The following CPQ variants were observed in gnomAD, a reference collection of about 807,000 sequenced individuals.
CPQ encodes carboxypeptidase Q, also known as Ser-Met dipeptidase.
In CPQ, 37 loss-of-function variants were observed where a neutral mutation model predicts 45.7. The observed-to-expected ratio is 0.81, with a 90% CI of 0.62 to 1.07. The LOEUF (loss-of-function observed/expected upper bound fraction) is 1.07. Among genes scored for constraint, CPQ ranks in the 50% least tolerant of loss-of-function variants. The pLI is 0.00. For synonymous variants in CPQ, 186 were observed against 205.8 expected (o/e 0.90, Z 0.82); for missense variants, 537 against 572.9 (o/e 0.94, Z 0.64).
chr8:96,921,054 A>G (rs756066209), intron 4 of CPQ, among the ~76,000 whole-genome samples: 2 of 152,120 alleles, frequency 1.3e-5, no homozygotes, highest in African/African-American at 2.4e-5. Context: ...ACTTCACCCA[A>G]TCCTATAAAG....
chr8:96,862,718 A>G (rs975615058), intron 3 of CPQ, among the ~76,000 whole-genome samples: 5 of 152,038 alleles, frequency 3.3e-5, no homozygotes, highest in African/African-American at 1.2e-4. Flanking sequence ...AAAAACCCTG[A>G]TTTTTAGCTG....
At chr8:97,030,890 T>TACTG in intron 6 of CPQ, among the ~76,000 whole-genome samples, 1 of 151,976 alleles carries the variant, frequency 6.6e-6, no homozygotes, top group Non-Finnish European at 1.5e-5. Context: ...AGGAGGTGGG[T>TACTG]ACTGCACCTT....
chr8:96,970,831 G>C (rs1813660808), intron 5 of CPQ, among the ~76,000 whole-genome samples: 2 of 152,244 alleles, frequency 1.3e-5, no homozygotes, highest in Admixed American at 1.3e-4. Flanking sequence ...CCAAAGTGCT[G>C]GGATTACAGG....
At chr8:97,023,418 C>A (rs554551279) in intron 5 of CPQ, among the ~76,000 whole-genome samples, 2 of 152,062 alleles carry the variant, frequency 1.3e-5, no homozygotes, top group East Asian at 3.9e-4. Flanking sequence ...TCACAAATCA[C>A]CACCAAAGAA....
chr8:96,787,959 C>G (rs1185828952), intron 2 of CPQ, among the ~76,000 whole-genome samples: 1 of 151,974 alleles, frequency 6.6e-6, no homozygotes, highest in Non-Finnish European at 1.5e-5. Context: ...GCAACAAATT[C>G]TCTGAGCCTT....
At chr8:96,731,277 G>T (rs531240688) in intron 1 of CPQ, among the ~76,000 whole-genome samples, 1 of 152,206 alleles carries the variant, frequency 6.6e-6, no homozygotes, top group Non-Finnish European at 1.5e-5. Context: ...TATCTCACAG[G>T]TTGTAATGAA....
At chr8:97,097,908 T>TA (rs1372886580) in intron 7 of CPQ, among the ~76,000 whole-genome samples, 1 of 152,208 alleles carries the variant, frequency 6.6e-6, no homozygotes, top group Non-Finnish European at 1.5e-5. Context: ...TAGAACAAGT[T>TA]ACATGTTACA....
In CPQ at chr8:96,879,929, TG is replaced by T; in HGVS notation, c.778del (p.Ala260GlnfsTer13). 8 of 1,614,014 alleles carry T rather than the reference TG, an allele frequency of 5.0e-6. No homozygotes were observed. The highest frequency in any genetic ancestry group is 6.8e-6 in the Non-Finnish European group (8 of 1,179,964). ...HGIKIVIQLKMGAKTYPDTDS... is the reference protein window; with the variant it reads ...HGIKIVIQLKXGAKTYPDTDS... ...ATCAAAATTGTCATTCAGCTAAAGATGGGGGCAAAGACCTACCCAGATACTG... is the reference window on the plus strand; with the variant it reads ...ATCAAAATTGTCATTCAGCTAAAGATGGGGCAAAGACCTACCCAGATACTG... On this transcript the variant is annotated frameshift_variant, in exon 4 of 8. Transcript: ENST00000220763. LOFTEE classifies it high-confidence loss of function.
chr8:96,855,507 C>A (rs1811835178), intron 3 of CPQ, among the ~76,000 whole-genome samples: 1 of 152,202 alleles, frequency 6.6e-6, no homozygotes, highest in South Asian at 2.1e-4. Flanking sequence ...TCCATTCATT[C>A]ATTCATTTTA....
In CPQ at chr8:97,114,044, G is replaced by A. The variant is rs961781464; in HGVS notation, c.1256-28976G>A. ...TTTCAGATGAGATTTCCCTATTAAG[G>A]AGGGATGCCAAATGCTGGGGATTTC... is the stretch of plus-strand genomic sequence containing the variant. On this transcript the variant is annotated intron_variant, in intron 7 of 7. Transcript: ENST00000220763. Among the ~76,000 whole-genome samples, 12 of 152,290 alleles carry A rather than the reference G, an allele frequency of 7.9e-5. 1 individual carries two copies. Among genetic ancestry groups the A allele is most frequent in the Admixed American group, 7.2e-4 (11 of 15,298 alleles).
intron 1 of CPQ, chr8:96,659,209 A>G (rs1815671040): frequency 6.6e-6 from 1 of 152,164 alleles, no homozygotes; most frequent in Non-Finnish European, 1.5e-5. Flanking sequence ...TACAAAGACT[A>G]TGGCCCTAGG....
intron 5 of CPQ, among the ~76,000 whole-genome samples, chr8:97,007,039 G>A (rs1015505029): frequency 6.6e-6 from 1 of 152,204 alleles, no homozygotes; most frequent in Admixed American, 6.5e-5. Context: ...CCAGAGGAAA[G>A]CATATTCAGC....
At chr8:96,908,301 G>T (rs1296581924) in intron 4 of CPQ, among the ~76,000 whole-genome samples, 1 of 152,152 alleles carries the variant, frequency 6.6e-6, no homozygotes, top group Non-Finnish European at 1.5e-5. Flanking sequence ...ATAACAGAAA[G>T]GTCTGATAAT....
intron 3 of CPQ, among the ~76,000 whole-genome samples, chr8:96,852,692 A>G (rs553342732): frequency 1.3e-5 from 2 of 152,254 alleles, no homozygotes; most frequent in East Asian, 1.9e-4. Context: ...TCTGGGGGAA[A>G]CTAAATTTGT....
intron 5 of CPQ, among the ~76,000 whole-genome samples, chr8:96,987,406 A>G (rs965858932): frequency 5.9e-5 from 9 of 152,182 alleles, no homozygotes; most frequent in African/African-American, 2.2e-4. Flanking sequence ...ACAGAAACAC[A>G]GAAATGATAA....
intron 3 of CPQ, among the ~76,000 whole-genome samples, chr8:96,845,609 A>AC (rs1811674708): frequency 6.6e-6 from 1 of 151,510 alleles, no homozygotes; most frequent in South Asian, 2.1e-4. Context: ...TGCATCCTTC[A>AC]CCCCCTGGGA....
At chr8:96,913,062 C>A (rs1178517848) in intron 4 of CPQ, among the ~76,000 whole-genome samples, 1 of 152,174 alleles carries the variant, frequency 6.6e-6, no homozygotes, top group East Asian at 1.9e-4. Flanking sequence ...ATCCTCATAC[C>A]CCTTCTTCTC....
chr8:96,788,357 A>C (rs1288740126), intron 2 of CPQ, among the ~76,000 whole-genome samples: 1 of 151,668 alleles, frequency 6.6e-6, no homozygotes, highest in Admixed American at 6.6e-5. Flanking sequence ...ATGCAGTTTC[A>C]CCATTTTGGA....
intron 1 of CPQ, among the ~76,000 whole-genome samples, chr8:96,677,435 G>C (rs757153860): frequency 3.3e-5 from 5 of 152,034 alleles, no homozygotes; most frequent in African/African-American, 4.8e-5. Flanking sequence ...GTGATGTTGA[G>C]CATCTTTGCA....
Sources: allele counts gnomAD v4.1 joint callset (sites outside exome capture counted in the v4.1 genomes callset), GRCh38; gene constraint gnomAD v4.1.1; transcripts MANE v1.5; gene names NCBI Gene and HGNC (gene_info 2026-07-23, HGNC 2026-07-21).